PKIB: variants seen among roughly 807,000 people sequenced by gnomAD.
PKIB encodes cAMP-dependent protein kinase inhibitor beta.
Under a neutral mutation model 4.5 loss-of-function variants are expected in PKIB, and 2 were observed. That is an observed-to-expected ratio of 0.44 (90% confidence interval 0.18 to 1.39). The LOEUF (loss-of-function observed/expected upper bound fraction) is 1.39. PKIB is among the 40% of genes most tolerant of loss of function. PKIB has a pLI of 0.27. For synonymous variants in PKIB, 38 were observed against 36.0 expected (o/e 1.06, Z -0.20); for missense variants, 94 against 92.6 (o/e 1.02, Z -0.06).
At chr6:122,614,818 G>A (rs929584496) in intron 1 of PKIB, among the ~76,000 whole-genome samples, 2 of 152,152 alleles carry the variant, frequency 1.3e-5, no homozygotes, top group East Asian at 1.9e-4. Flanking sequence ...GCATGTGTGT[G>A]TAAAGAGGGC....
intron 2 of PKIB, among the ~76,000 whole-genome samples, chr6:122,514,492 C>A (rs1235860785): frequency 4.6e-5 from 7 of 152,138 alleles, no homozygotes; most frequent in Admixed American, 4.6e-4. Context: ...AAACAAGCTA[C>A]CGCTGGCAAA....
chr6:122,619,747 G>A (rs1177492530), intron 1 of PKIB, among the ~76,000 whole-genome samples: 1 of 152,052 alleles, frequency 6.6e-6, no homozygotes, highest in Admixed American at 6.6e-5. Flanking sequence ...ATTTTCAAAT[G>A]CTTCAAAGTC....
intron 2 of PKIB, chr6:122,483,247 G>C (rs1775678642): frequency 6.6e-6 from 1 of 152,050 alleles, no homozygotes; most frequent in Non-Finnish European, 1.5e-5. Flanking sequence ...AAATTTGATG[G>C]AAGTAATTTA....
chr6:122,575,482 C>T (rs1395007303), intron 2 of PKIB, among the ~76,000 whole-genome samples: 3 of 151,902 alleles, frequency 2.0e-5, no homozygotes, highest in Non-Finnish European at 4.4e-5. Context: ...TTTAAAGCAG[C>T]ACAATTTGCA....
intron 2 of PKIB, among the ~76,000 whole-genome samples, chr6:122,638,887 C>T (rs904580245): frequency 4.6e-5 from 7 of 152,054 alleles, no homozygotes; most frequent in African/African-American, 1.7e-4. Flanking sequence ...CCTAAAAGTG[C>T]CTGAAACTAA....
At chr6:122,607,298 A>G (rs537270244), upstream of PKIB, among the ~76,000 whole-genome samples, 8 of 151,844 alleles carry the variant, frequency 5.3e-5, no homozygotes, top group East Asian at 1.4e-3. Flanking sequence ...ACATAGCAAA[A>G]CCCCGTCTCT....
At chr6:122,640,740 C>T (rs1056695707) in intron 2 of PKIB, among the ~76,000 whole-genome samples, 1 of 152,114 alleles carries the variant, frequency 6.6e-6, no homozygotes, top group Non-Finnish European at 1.5e-5. Context: ...TAGTGATTGC[C>T]GGTAAGAACG....
chr6:122,713,300 C>T lies in PKIB; in HGVS notation c.-8-4487C>T, dbSNP rs557841574. Among the ~76,000 whole-genome samples the T allele has an allele frequency of 2.6e-5, 4 of 152,180 alleles. No individual in the cohort carries two copies. The East Asian group carries it at 7.7e-4, about 29-fold the overall frequency. On this transcript the variant is annotated intron_variant, in intron 3 of 4. Coordinates refer to ENST00000368452, the MANE Select transcript of PKIB (RefSeq NM_181795.3). Reference sequence around the variant, plus strand: ...GACAAAGCAGCACTCATCTAGAGTCCTTTGTTAATTCTCTAGAAGAGAAAG... The same window carrying T: ...GACAAAGCAGCACTCATCTAGAGTCTTTTGTTAATTCTCTAGAAGAGAAAG...
At chr6:122,540,096 G>A (rs1174345758) in intron 2 of PKIB, among the ~76,000 whole-genome samples, 4 of 151,800 alleles carry the variant, frequency 2.6e-5, no homozygotes, top group Non-Finnish European at 4.4e-5. Context: ...TCTTGCTAGC[G>A]ATCTATTGAT....
chr6:122,559,121 A>G (rs1270878663), intron 2 of PKIB, among the ~76,000 whole-genome samples: 1 of 152,020 alleles, frequency 6.6e-6, no homozygotes, highest in African/African-American at 2.4e-5. Context: ...TCATATATAT[A>G]TGACAAAGGA....
At chr6:122,681,703 A>C (rs2195686) in intron 3 of PKIB, among the ~76,000 whole-genome samples, 91,426 of 152,046 alleles carry the variant, frequency 0.6, 29,055 homozygotes, top group Non-Finnish European at 0.71. Context: ...ATATGTCATA[A>C]TTTACTTTAA....
At chr6:122,601,233 A>T (rs1774355400) in intron 3 of PKIB, among the ~76,000 whole-genome samples, 1 of 152,172 alleles carries the variant, frequency 6.6e-6, no homozygotes, top group Non-Finnish European at 1.5e-5. Flanking sequence ...GGTTGAAGGA[A>T]TAATTATATG....
At chr6:122,578,823 A>G (rs532658676) in intron 2 of PKIB, among the ~76,000 whole-genome samples, 2 of 152,310 alleles carry the variant, frequency 1.3e-5, no homozygotes, top group African/African-American at 4.8e-5. Context: ...TAAACGAATC[A>G]TGGGGTCAGT....
chr6:122,524,662 T>C (rs1293813971), intron 2 of PKIB, among the ~76,000 whole-genome samples: 4 of 152,146 alleles, frequency 2.6e-5, no homozygotes, highest in Non-Finnish European at 5.9e-5. Flanking sequence ...TTACTTTTTA[T>C]TGGCCTGTTC....
chr6:122,682,493 A>G (rs999046279), intron 3 of PKIB, among the ~76,000 whole-genome samples: 1 of 152,186 alleles, frequency 6.6e-6, no homozygotes, highest in African/African-American at 2.4e-5. Context: ...TGTTACATAT[A>G]TTCTGAATCA....
chr6:122,493,750 T>G (rs899293411), intron 2 of PKIB, among the ~76,000 whole-genome samples: 1 of 152,132 alleles, frequency 6.6e-6, no homozygotes, highest in Non-Finnish European at 1.5e-5. Flanking sequence ...ATTTCTTTAA[T>G]TATCTTTACA....
At chr6:122,604,643 A>G (rs938178838) in intron 3 of PKIB, among the ~76,000 whole-genome samples, 1 of 152,214 alleles carries the variant, frequency 6.6e-6, no homozygotes, top group Non-Finnish European at 1.5e-5. Flanking sequence ...AAGGAGGCCA[A>G]TTCAGAGACT....
intron 3 of PKIB, among the ~76,000 whole-genome samples, chr6:122,691,150 A>G (rs569056712): frequency 2.0e-5 from 3 of 151,950 alleles, no homozygotes; most frequent in Middle Eastern, 3.4e-3. Context: ...TTGATTATTA[A>G]ATGCCTTAAG....
At chr6:122,579,126 C>G (rs1222860736) in intron 2 of PKIB, among the ~76,000 whole-genome samples, 1 of 152,186 alleles carries the variant, frequency 6.6e-6, no homozygotes, top group East Asian at 1.9e-4. Flanking sequence ...ATTTTCATGA[C>G]TTCTCATGAC....
Sources: allele counts gnomAD v4.1 joint callset (sites outside exome capture counted in the v4.1 genomes callset), GRCh38; gene constraint gnomAD v4.1.1; transcripts MANE v1.5; gene names NCBI Gene and HGNC (gene_info 2026-07-23, HGNC 2026-07-21).